Variants in DYRK1A observed in about 807,000 individuals in gnomAD.
The protein encoded by DYRK1A is dual specificity tyrosine phosphorylation regulated kinase 1A.
A neutral mutation model predicts 79.7 loss-of-function variants in DYRK1A; 9 were observed. That is an observed-to-expected ratio of 0.11 (90% CI 0.07 to 0.20). The LOEUF (loss-of-function observed/expected upper bound fraction) is 0.20, where lower values mean the gene tolerates loss of function less well. DYRK1A is among the 10% of genes least tolerant of loss of function. DYRK1A has a pLI of 1.00. For missense variants in DYRK1A, 622 were observed against 956.0 expected (o/e 0.65, Z 4.61); for synonymous variants, 349 against 329.7 (o/e 1.06, Z -0.63).
chr21:37,489,982 A>G (rs752936203), intron 6 of DYRK1A, among the ~76,000 whole-genome samples, 193 bp from the exon 7 acceptor site: 40 of 152,180 alleles, frequency 2.6e-4, no homozygotes, highest in Admixed American at 2.0e-3. Flanking sequence ...GTACCTGTTT[A>G]ATTCAGCAGA....
At chr21:37,428,136 AGG>A (rs1436910347) in intron 2 of DYRK1A, among the ~76,000 whole-genome samples, 4 of 152,168 alleles carry the variant, frequency 2.6e-5, no homozygotes, top group African/African-American at 4.8e-5. Flanking sequence ...GAGCAAATTC[AGG>A]GCCTGTGAGT....
At chr21:37,445,101 C>G (rs2051225371) in intron 2 of DYRK1A, among the ~76,000 whole-genome samples, 1 of 152,166 alleles carries the variant, frequency 6.6e-6, no homozygotes, top group Non-Finnish European at 1.5e-5. Context: ...AGAATCTGTG[C>G]TCCTAGGCAC....
chr21:37,457,150 A>G (rs1341568599), intron 2 of DYRK1A, among the ~76,000 whole-genome samples: 5 of 151,908 alleles, frequency 3.3e-5, no homozygotes, highest in Non-Finnish European at 7.4e-5. Context: ...GCTCACTGCA[A>G]ACTGACTCCT....
chr21:37,409,418 T>C (rs1182318557), intron 1 of DYRK1A, among the ~76,000 whole-genome samples: 2 of 152,132 alleles, frequency 1.3e-5, no homozygotes, highest in African/African-American at 4.8e-5. Flanking sequence ...TAAGCACTTT[T>C]TTGGGTCTTA....
intron 1 of DYRK1A, among the ~76,000 whole-genome samples, chr21:37,381,633 G>C (rs2049660372): frequency 1.3e-5 from 2 of 152,076 alleles, no homozygotes; most frequent in African/African-American, 4.8e-5. Context: ...GGTGCATATC[G>C]AATATAAGTG....
intron 5 of DYRK1A, among the ~76,000 whole-genome samples, chr21:37,484,316 A>ACT (rs2052770103): frequency 6.9e-6 from 1 of 145,140 alleles, no homozygotes; most frequent in South Asian, 2.2e-4. Flanking sequence ...GGGCAGTTGC[A>ACT]CTCAATAGGT....
intron 2 of DYRK1A, among the ~76,000 whole-genome samples, chr21:37,454,839 G>A (rs2051581818): frequency 6.6e-6 from 1 of 152,158 alleles, no homozygotes; most frequent in African/African-American, 2.4e-5. Context: ...GTTAAAGATG[G>A]AGTAGGCTTT....
rs1314016371 is a variant in DYRK1A at position 37,525,952 on chromosome 21, G to C, written c.*13421G>C. 6.6e-6 allele frequency: 1 copy of C among 152,198 alleles called. No individual in the cohort carries two copies. 9.4% of individuals were successfully genotyped at this position (152,198 alleles called of 1,614,324 possible). ...GGAAATTCACTTTTGCTGCAGACTTGATAGTGTTTCTTAAGGAATTCAGCC... is the reference window on the plus strand; with the variant it reads ...GGAAATTCACTTTTGCTGCAGACTTCATAGTGTTTCTTAAGGAATTCAGCC... On this transcript the variant is annotated 3_prime_UTR_variant, in exon 12 of 12. Transcript: ENST00000647188.
At chr21:37,456,142 T>G (rs918567153) in intron 2 of DYRK1A, 1 of 152,118 alleles carries the variant, frequency 6.6e-6, no homozygotes, top group African/African-American at 2.4e-5. Context: ...AAATATGAGG[T>G]GACGTTTAAG....
chr21:37,386,976 C>T (rs2049773151), intron 1 of DYRK1A, among the ~76,000 whole-genome samples: 1 of 152,290 alleles, frequency 6.6e-6, no homozygotes, highest in East Asian at 1.9e-4. Flanking sequence ...TACACTTAGA[C>T]CAGTTAGGCT....
At chr21:37,400,403 A>G (rs538774346) in intron 1 of DYRK1A, among the ~76,000 whole-genome samples, 1 of 152,218 alleles carries the variant, frequency 6.6e-6, no homozygotes, top group East Asian at 1.9e-4. Flanking sequence ...TTTCCAGCTT[A>G]TCACACTCCT....
chr21:37,489,597 A>G (rs899050641), intron 6 of DYRK1A, among the ~76,000 whole-genome samples: 3 of 151,842 alleles, frequency 2.0e-5, no homozygotes, highest in Non-Finnish European at 4.4e-5. Context: ...TTACCAAAGC[A>G]TGATTTTCAG....
intron 1 of DYRK1A, among the ~76,000 whole-genome samples, chr21:37,413,442 A>T (rs758638714): frequency 2.6e-5 from 4 of 152,192 alleles, no homozygotes; most frequent in African/African-American, 7.2e-5. Flanking sequence ...ATTGTATTAT[A>T]GAACATCCTG....
intron 2 of DYRK1A, among the ~76,000 whole-genome samples, chr21:37,471,843 A>G (rs2052235624): frequency 6.6e-6 from 1 of 152,190 alleles, no homozygotes; most frequent in Non-Finnish European, 1.5e-5. Context: ...TTTTGAATCT[A>G]GTCATTCTTG....
At chr21:37,440,508 A>G (rs989446427) in intron 2 of DYRK1A, among the ~76,000 whole-genome samples, 1 of 152,166 alleles carries the variant, frequency 6.6e-6, no homozygotes, top group African/African-American at 2.4e-5. Context: ...TTTCCTTTCT[A>G]ATAGAGATGA....
In DYRK1A at chr21:37,478,303, A is replaced by G. The variant is rs1241074832; in HGVS notation, c.300+3A>G. On this transcript the variant is annotated splice_donor_region_variant and intron_variant, in intron 4 of 11. Transcript: ENST00000647188. The stretch of plus-strand genomic sequence containing the variant: ...AAACATACAAGCATATTAATGAGGT[A>G]AGACTTGATTTGTTATAATAACATC... 12 of 1,612,382 alleles carry G rather than the reference A, an allele frequency of 7.4e-6. No individual in the cohort carries two copies. In the Admixed American group the frequency reaches 1.8e-4, roughly 25 times the overall value.
chr21:37,434,510 TGTTA>T (rs1196185690), intron 2 of DYRK1A, among the ~76,000 whole-genome samples: 1 of 152,348 alleles, frequency 6.6e-6, no homozygotes, highest in African/African-American at 2.4e-5. Flanking sequence ...TCTTTGTAGC[TGTTA>T]GTATGTACTG....
intron 9 of DYRK1A, among the ~76,000 whole-genome samples, chr21:37,497,012 G>A (rs1359903239): frequency 6.6e-6 from 1 of 152,108 alleles, no homozygotes. Flanking sequence ...TTGAATGAAT[G>A]TAATGTATAA....
At position 37,421,322 on chromosome 21, in the gene DYRK1A, G is replaced by A. The variant is rs538496833; in HGVS notation, c.10+938G>A. On this transcript the variant is annotated intron_variant, in intron 2 of 11. Coordinates refer to ENST00000647188, the MANE Select transcript of DYRK1A (RefSeq NM_001347721.2). ...TTTGTGATTGGTTTTTATTTTTGGC[G>A]ATCTGGGTTTTGTCTAGGGGAAAAA... is the stretch of plus-strand genomic sequence containing the variant. Among the ~76,000 whole-genome samples, 21 of 151,972 alleles carry A rather than the reference G, an allele frequency of 1.4e-4. 1 individual carries two copies. In the South Asian group the frequency reaches 2.7e-3, roughly 20 times the overall value.
Sources: allele counts gnomAD v4.1 joint callset (sites outside exome capture counted in the v4.1 genomes callset), GRCh38; gene constraint gnomAD v4.1.1; transcripts MANE v1.5; gene names NCBI Gene and HGNC (gene_info 2026-07-23, HGNC 2026-07-21).